BIN3: variants seen among roughly 807,000 people sequenced by gnomAD.
The protein encoded by BIN3 is bridging integrator 3.
BIN3 carries 41 observed loss-of-function variants against 38.2 expected under a neutral mutation model. That is an observed-to-expected ratio of 1.07 (90% CI 0.84 to 1.39). BIN3 has a LOEUF of 1.39. Among genes scored for constraint, BIN3 ranks in the 40% most tolerant of loss-of-function variants. The pLI is 0.00. For synonymous variants in BIN3, 145 were observed against 122.6 expected, an observed-to-expected ratio of 1.18 and a Z score of -1.21; for missense variants, 361 against 324.3, an observed-to-expected ratio of 1.11 and a Z score of -0.87.
chr8:22,644,064 T>C (rs542688157), intron 2 of BIN3, among the ~76,000 whole-genome samples: 12 of 152,232 alleles, frequency 7.9e-5, no homozygotes, highest in Non-Finnish European at 1.5e-4. Flanking sequence ...GGGGTTTTTA[T>C]AACTTGAGGA....
Position 22,623,958 on chromosome 8 carries a change from A to C in BIN3, c.572T>G (p.Leu191Arg). ...EEMPRFYGSR[L>R]DYFQPSFESL... The stretch of plus-strand genomic sequence containing the variant: ...CTCAAAGCTGGGCTGGAAGTAGTCG[A>C]GGCGGCTGCCGTAGAAGCGCGGCAT... Residue 191 changes from leucine to arginine, a missense_variant, in exon 8 of 9, where the codon CTC (leucine) becomes CGC (arginine). Coordinates refer to ENST00000276416, the MANE Select transcript of BIN3 (RefSeq NM_018688.6). 2 of 1,611,360 alleles carry C rather than the reference A, an allele frequency of 1.2e-6. No homozygotes were observed. Among genetic ancestry groups the C allele is most frequent in the Non-Finnish European group, 1.7e-6 (2 of 1,179,442 alleles).
chr8:22,636,497 C>G (rs543504462), intron 4 of BIN3, 28 bp downstream of exon 4: 2 of 1,550,814 alleles, frequency 1.3e-6, no homozygotes, highest in African/African-American at 1.4e-5. Flanking sequence ...CCTGCTCAAG[C>G]GAGTGGTGCG....
At chr8:22,626,932 G>A (rs1189459354) in intron 6 of BIN3, among the ~76,000 whole-genome samples, 1 of 152,198 alleles carries the variant, frequency 6.6e-6, no homozygotes, top group Non-Finnish European at 1.5e-5. Context: ...TGCCGAGCGG[G>A]GGTGAGGGAG....
In BIN3 at chr8:22,625,556, C is replaced by A. The variant is rs978963754; in HGVS notation, c.339-1193G>T. On this transcript the variant is annotated intron_variant, in intron 6 of 8. Coordinates refer to ENST00000276416, the MANE Select transcript of BIN3 (RefSeq NM_018688.6). ...CCAGGAGCTCAGCTACCACACAGAG[C>A]AGGACTCCCAGATGTGCCTCTCAAA... 5 of 621,998 alleles carry A rather than the reference C, an allele frequency of 8.0e-6. No homozygotes were observed. In the African/African-American group the frequency reaches 9.1e-5, roughly 11 times the overall value. The allele number at this position is 621,998 out of a possible 1,614,324, so 38.5% of individuals were successfully genotyped here.
At chr8:22,633,173 G>A (rs1463925474) in intron 4 of BIN3, among the ~76,000 whole-genome samples, 1 of 152,162 alleles carries the variant, frequency 6.6e-6, no homozygotes, top group Non-Finnish European at 1.5e-5. Context: ...ATGACACCAA[G>A]AACACCATGG....
intron 4 of BIN3, among the ~76,000 whole-genome samples, chr8:22,632,795 G>A (rs531432846): frequency 2.6e-4 from 37 of 144,776 alleles, no homozygotes; most frequent in African/African-American, 8.4e-4. Flanking sequence ...TGCATCCTCC[G>A]CCTCCTGGCT....
intron 1 of BIN3, among the ~76,000 whole-genome samples, chr8:22,648,450 C>A (rs896152078): frequency 3.7e-5 from 5 of 134,014 alleles, no homozygotes; most frequent in Non-Finnish European, 8.1e-5. Context: ...GTTTTAAGTG[C>A]TGGTCAGGCA....
intron 4 of BIN3, among the ~76,000 whole-genome samples, 158 bp from the exon 5 acceptor site, chr8:22,630,736 C>T (rs542067788): frequency 6.6e-6 from 1 of 152,344 alleles, no homozygotes; most frequent in South Asian, 2.1e-4. Context: ...CAACCACAAG[C>T]TGCTGATCCC....
At chr8:22,659,586 T>G (rs555409883) in intron 1 of BIN3, among the ~76,000 whole-genome samples, 1 of 152,334 alleles carries the variant, frequency 6.6e-6, no homozygotes, top group South Asian at 2.1e-4. Context: ...ATTGCCAGAC[T>G]CTGCACAGGC....
intron 6 of BIN3, among the ~76,000 whole-genome samples, chr8:22,628,407 G>A (rs1017300634): frequency 2.0e-5 from 3 of 152,204 alleles, no homozygotes; most frequent in Admixed American, 6.5e-5. Context: ...AGGCTGCGCG[G>A]TTTTATGTGG....
At chr8:22,621,624 G>C (rs182718018) in intron 8 of BIN3, 56 bp from the exon 9 acceptor site, 3 of 1,547,038 alleles carry the variant, frequency 1.9e-6, no homozygotes, top group African/African-American at 1.4e-5. Flanking sequence ...GTGTGCTTCA[G>C]GGGGCCAGAG....
intron 6 of BIN3, among the ~76,000 whole-genome samples, chr8:22,629,509 C>A (rs1585180550): frequency 6.6e-6 from 1 of 152,380 alleles, no homozygotes; most frequent in Non-Finnish European, 1.5e-5. Flanking sequence ...TGCCACGCCC[C>A]TCCCTGTGTG....
chr8:22,645,053 T>C (rs938238028), intron 1 of BIN3, among the ~76,000 whole-genome samples: 2 of 152,006 alleles, frequency 1.3e-5, no homozygotes, highest in African/African-American at 4.8e-5. Context: ...TTGCTACTGA[T>C]AGTCTGTCAT....
At chr8:22,663,667 G>A (rs968678069) in intron 1 of BIN3, among the ~76,000 whole-genome samples, 2 of 152,122 alleles carry the variant, frequency 1.3e-5, no homozygotes, top group Admixed American at 6.5e-5. Context: ...GCCCTGAGGT[G>A]GAGTGCCAAT....
chr8:22,644,990 T>C (rs554887090), intron 1 of BIN3, 187 bp from the exon 2 acceptor site: 3 of 548,210 alleles, frequency 5.5e-6, no homozygotes, highest in East Asian at 3.1e-5. Flanking sequence ...AAGAGAGAGA[T>C]AGGTCCTCCC....
chr8:22,625,157 A>C, intron 6 of BIN3: 1 of 602,154 alleles, frequency 1.7e-6, no homozygotes, highest in Non-Finnish European at 3.0e-6. Context: ...CAGAGAGAGC[A>C]GCAGTGGACG....
chr8:22,663,761 C>G lies in BIN3; in HGVS notation c.8+5283G>C, dbSNP rs139586364. On this transcript the variant is annotated intron_variant, in intron 1 of 8. Coordinates refer to ENST00000276416, the MANE Select transcript of BIN3 (RefSeq NM_018688.6). Reference sequence around the variant, plus strand: ...ACAGTCCGCACAAACACTCTTGACGCATTCTGACTCCACACACCTTTTTCA... The same window carrying G: ...ACAGTCCGCACAAACACTCTTGACGGATTCTGACTCCACACACCTTTTTCA... Among the ~76,000 whole-genome samples, 1,023 of 152,310 alleles carry G rather than the reference C, an allele frequency of 6.7e-3. 13 individuals are homozygous for G. Among genetic ancestry groups the G allele is most frequent in the African/African-American group, 0.023 (973 of 41,556 alleles).
At chr8:22,633,900 G>C (rs1802286088) in intron 4 of BIN3, among the ~76,000 whole-genome samples, 1 of 152,254 alleles carries the variant, frequency 6.6e-6, no homozygotes, top group African/African-American at 2.4e-5. Context: ...CAGAGGCACT[G>C]TCTCTGCCCA....
chr8:22,657,960 A>G lies in BIN3; in HGVS notation c.8+11084T>C, dbSNP rs982997741. On this transcript the variant is annotated intron_variant, in intron 1 of 8. Transcript: ENST00000276416. ...GCAGTGCTCCAGGGCAGGAGGCCCA[A>G]CTGGGCTTCGGGACTCTCCTCCCTC... 9.2e-5 allele frequency among the ~76,000 whole-genome samples: 14 copies of G among 152,352 alleles called. No homozygotes were observed. In the East Asian group the frequency reaches 9.6e-4, roughly 11 times the overall value.
Sources: allele counts gnomAD v4.1 joint callset (sites outside exome capture counted in the v4.1 genomes callset), GRCh38; gene constraint gnomAD v4.1.1; transcripts MANE v1.5; gene names NCBI Gene and HGNC (gene_info 2026-07-23, HGNC 2026-07-21).